Variants in NCOA2 observed in about 807,000 individuals in gnomAD.
NCOA2 encodes nuclear receptor coactivator 2.
A neutral mutation model predicts 145.1 loss-of-function variants in NCOA2; 21 were observed. The ratio of observed to expected loss-of-function variants is 0.14; its 90% confidence interval spans 0.10 to 0.21. The LOEUF (loss-of-function observed/expected upper bound fraction) is 0.21. Ranked by LOEUF, NCOA2 falls within the 10% of genes least tolerant of loss-of-function variation. NCOA2 has a pLI of 1.00. For synonymous variants in NCOA2, 619 were observed against 637.5 expected (o/e 0.97, Z 0.44); for missense variants, 1,472 against 1,837.6 (o/e 0.80, Z 3.64).
At chr8:70,360,704 G>A (rs1755840216) in intron 1 of NCOA2, among the ~76,000 whole-genome samples, 1 of 151,964 alleles carries the variant, frequency 6.6e-6, no homozygotes, top group African/African-American at 2.4e-5. Flanking sequence ...TTGGGAGGCT[G>A]AGGTGGGCAG....
the NCOA2 span, among the ~76,000 whole-genome samples, chr8:70,415,056 A>C: frequency 2.0e-5 from 3 of 152,184 alleles, no homozygotes; most frequent in African/African-American, 7.2e-5. Flanking sequence ...TAATCCTAAC[A>C]CCTTTGGAGG....
intron 9 of NCOA2, among the ~76,000 whole-genome samples, chr8:70,160,682 G>GAGAGAGAGAGAGAGAGAGGGA (rs371258460): frequency 5.1e-5 from 3 of 58,300 alleles, no homozygotes; most frequent in Non-Finnish European, 1.5e-4. Context: ...AGAGAGAGAG[G>GAGAGAGAGAGAGAGAGAGGGA]GAGAGAGAGA....
At chr8:70,353,672 A>G (rs1809437380) in intron 1 of NCOA2, among the ~76,000 whole-genome samples, 1 of 151,940 alleles carries the variant, frequency 6.6e-6, no homozygotes, top group Non-Finnish European at 1.5e-5. Context: ...CCACTATGTG[A>G]CACATTGTCC....
the NCOA2 span, among the ~76,000 whole-genome samples, chr8:70,425,275 T>A: frequency 2.6e-5 from 4 of 152,058 alleles, no homozygotes; most frequent in Non-Finnish European, 5.9e-5. Context: ...TCCCCTTTAT[T>A]TTTTTTAATC....
intron 4 of NCOA2, among the ~76,000 whole-genome samples, chr8:70,207,232 A>G (rs527543809): frequency 7.5e-4 from 115 of 152,360 alleles, no homozygotes; most frequent in African/African-American, 2.7e-3. Flanking sequence ...TTCTTTTCAT[A>G]CAAGTACAAG....
chr8:70,172,220 CA>C (rs1310727712), intron 5 of NCOA2, among the ~76,000 whole-genome samples: 1 of 152,182 alleles, frequency 6.6e-6, no homozygotes, highest in African/African-American at 2.4e-5. Context: ...TCTGTAATCC[CA>C]AAGTGCTGGG....
At chr8:70,211,153 G>C (rs973278528) in intron 4 of NCOA2, among the ~76,000 whole-genome samples, 1 of 152,140 alleles carries the variant, frequency 6.6e-6, no homozygotes, top group African/African-American at 2.4e-5. Context: ...TCTGGCACCA[G>C]AAAATTCTTT....
In NCOA2 at chr8:70,363,079, T is replaced by TAAA. The variant is rs777122942; in HGVS notation, c.-77+40618_-77+40620dup. ...GTTGACAGAGTTAAGACTCTGTCTTTAAAAAAAAAAAAAAAAAAAAAAGGC... is the reference window on the plus strand; with the variant it reads ...GTTGACAGAGTTAAGACTCTGTCTTTAAAAAAAAAAAAAAAAAAAAAAAAAGGC... On this transcript the variant is annotated intron_variant, in intron 1 of 22. Coordinates refer to ENST00000452400, the MANE Select transcript of NCOA2 (RefSeq NM_006540.4). Among the ~76,000 whole-genome samples the TAAA allele has an allele frequency of 6.0e-5, 6 of 99,780 alleles. 1 individual carries two copies. Among genetic ancestry groups the TAAA allele is most frequent in the African/African-American group, 8.2e-5 (2 of 24,446 alleles). 65.5% of individuals were successfully genotyped at this position (99,780 alleles called of 152,430 possible).
intron 1 of NCOA2, among the ~76,000 whole-genome samples, chr8:70,325,854 G>A (rs1806509092): frequency 6.6e-6 from 1 of 152,028 alleles, no homozygotes; most frequent in Non-Finnish European, 1.5e-5. Context: ...GATCTTTCTG[G>A]CCAAAGCTTC....
In NCOA2 at chr8:70,400,113, T is replaced by C. The variant is rs549654182; in HGVS notation, c.-77+3587A>G. Among the ~76,000 whole-genome samples the C allele has an allele frequency of 1.4e-4, 21 of 152,340 alleles. No homozygotes were observed. In the East Asian group the frequency reaches 3.9e-3, roughly 28 times the overall value. ...ATTTTATATTTCCAATAAAATGCTC[T>C]TCTAACACTAAGCCACTCATCTAAA... On this transcript the variant is annotated intron_variant, in intron 1 of 22. Transcript: ENST00000452400.
chr8:70,263,019 T>C (rs1004065393), intron 2 of NCOA2, among the ~76,000 whole-genome samples: 4 of 151,822 alleles, frequency 2.6e-5, no homozygotes, highest in East Asian at 1.9e-4. Context: ...CAGCCTATGA[T>C]TGTTTTTGTC....
chr8:70,415,942 G>A, the NCOA2 span, among the ~76,000 whole-genome samples: 3 of 152,058 alleles, frequency 2.0e-5, no homozygotes, highest in African/African-American at 7.2e-5. Flanking sequence ...ATATTACTAC[G>A]ATTGCAATCC....
At chr8:70,354,925 T>C (rs1042318474) in intron 1 of NCOA2, among the ~76,000 whole-genome samples, 2 of 152,214 alleles carry the variant, frequency 1.3e-5, no homozygotes, top group Non-Finnish European at 2.9e-5. Flanking sequence ...AATTTATTTA[T>C]GGGAAAAATT....
intron 4 of NCOA2, among the ~76,000 whole-genome samples, chr8:70,201,467 G>A (rs1238502399): frequency 6.6e-6 from 1 of 152,158 alleles, no homozygotes; most frequent in Non-Finnish European, 1.5e-5. Flanking sequence ...TAAAGCTGAG[G>A]TGAAGAACAC....
chr8:70,170,332 C>T lies in NCOA2; in HGVS notation c.411G>A (p.Val137=). The T allele has an allele frequency of 6.2e-7, 1 of 1,604,634 alleles. No homozygotes were observed. The highest frequency in any genetic ancestry group is 8.5e-7 in the Non-Finnish European group (1 of 1,175,304). ...FFVVNLEGNV[V]FVSENVTQYL... ...ACTGTGTCACATTCTCTGACACAAA[C>T]ACAACGTTGCCTTCCAGGTTCACTA... Residue 137 remains valine (V), a synonymous_variant, in exon 6 of 23, where the codon GTG becomes GTA. Transcript: ENST00000452400.
chr8:70,145,211 G>A (rs942115742), intron 12 of NCOA2, among the ~76,000 whole-genome samples: 1 of 152,166 alleles, frequency 6.6e-6, no homozygotes, highest in African/African-American at 2.4e-5. Context: ...AAGCTAGAGT[G>A]CAATGGCACG....
At chr8:70,353,126 GTAAC>G (rs1809387501) in intron 1 of NCOA2, among the ~76,000 whole-genome samples, 2 of 152,116 alleles carry the variant, frequency 1.3e-5, no homozygotes, top group Middle Eastern at 3.4e-3. Flanking sequence ...TTTTAAAAAA[GTAAC>G]TACTGCAATC....
chr8:70,228,774 G>C (rs1052327161), intron 2 of NCOA2, among the ~76,000 whole-genome samples: 2 of 152,182 alleles, frequency 1.3e-5, no homozygotes, highest in African/African-American at 4.8e-5. Flanking sequence ...GAAAGAAATT[G>C]AGATAATTGC....
chr8:70,321,623 T>C (rs974962624), intron 1 of NCOA2, among the ~76,000 whole-genome samples: 20 of 152,144 alleles, frequency 1.3e-4, no homozygotes, highest in African/African-American at 4.8e-4. Context: ...ACAGAGGAAG[T>C]AGACTTACTA....
Sources: gnomAD v4.1 joint callset for allele counts (sites outside exome capture counted in the v4.1 genomes callset) on GRCh38, gnomAD v4.1.1 for gene constraint, MANE v1.5 for transcripts, NCBI Gene and HGNC (gene_info 2026-07-23, HGNC 2026-07-21) for gene names.